The following KCNMA1 variants were observed in gnomAD, a reference collection of about 807,000 sequenced individuals.
The protein encoded by KCNMA1 is Calcium-activated potassium channel subunit alpha-1.
Under a neutral mutation model 140.0 loss-of-function variants are expected in KCNMA1, and 29 were observed. The observed-to-expected ratio is 0.21, with a 90% CI of 0.15 to 0.28. The LOEUF is 0.28. Ranked by LOEUF, KCNMA1 falls within the 10% of genes least tolerant of loss-of-function variation. The pLI, the probability that KCNMA1 is intolerant of heterozygous loss-of-function variation, is 1.00. For missense variants in KCNMA1, 880 were observed against 1,602.2 expected (o/e 0.55, Z 7.70); for synonymous variants, 612 against 611.9 (o/e 1.00, Z 0.00).
At chr10:77,069,902 G>A (rs1021987803) in intron 14 of KCNMA1, among the ~76,000 whole-genome samples, 4 of 152,006 alleles carry the variant, frequency 2.6e-5, no homozygotes, top group Non-Finnish European at 4.4e-5. Context: ...TGCGACCTCC[G>A]CCTCCTGGGT....
intron 2 of KCNMA1, among the ~76,000 whole-genome samples, chr10:77,333,539 A>G (rs888178363): frequency 1.1e-4 from 16 of 152,228 alleles, no homozygotes; most frequent in Non-Finnish European, 1.6e-4. Context: ...TTATAATTCA[A>G]AAATAACATT....
chr10:77,447,902 G>T (rs1002582272), intron 1 of KCNMA1, among the ~76,000 whole-genome samples: 1 of 152,196 alleles, frequency 6.6e-6, no homozygotes, highest in Non-Finnish European at 1.5e-5. Context: ...AATTAGAGAC[G>T]CAGTTAAAAC....
chr10:77,216,324 C>T (rs12779089), intron 3 of KCNMA1, among the ~76,000 whole-genome samples: 24,537 of 151,682 alleles, frequency 0.16, 2,435 homozygotes, highest in Non-Finnish European at 0.21. Context: ...TGAGTGAATT[C>T]TATGGTATAT....
At chr10:77,269,914 G>T (rs2064520832) in intron 2 of KCNMA1, among the ~76,000 whole-genome samples, 1 of 152,144 alleles carries the variant, frequency 6.6e-6, no homozygotes. Context: ...TACCTCTGAG[G>T]AGATACAGGT....
Position 77,181,357 on chromosome 10 carries a change from T to A in KCNMA1, c.808+2064A>T, listed in dbSNP as rs141523581. Reference sequence around the variant, plus strand: ...TGTGCATGGGTATGTGTTTGAACTCTTAGCAACAAGATGTTTTAAAAGGAG... The same window carrying A: ...TGTGCATGGGTATGTGTTTGAACTCATAGCAACAAGATGTTTTAAAAGGAG... On this transcript the variant is annotated intron_variant, in intron 5 of 27. Coordinates refer to ENST00000286628, the MANE Select transcript of KCNMA1 (RefSeq NM_001161352.2). 1.3e-3 allele frequency among the ~76,000 whole-genome samples: 203 copies of A among 152,282 alleles called. 1 individual carries two copies. The highest frequency in any genetic ancestry group is 4.4e-3 in the African/African-American group (182 of 41,554).
chr10:77,180,121 G>C (rs915387138), intron 5 of KCNMA1, among the ~76,000 whole-genome samples: 1 of 152,208 alleles, frequency 6.6e-6, no homozygotes, highest in Admixed American at 6.5e-5. Flanking sequence ...AGGAAAGTTT[G>C]TGCAGGAGAA....
intron 2 of KCNMA1, among the ~76,000 whole-genome samples, chr10:77,386,790 C>T (rs1042425743): frequency 1.3e-5 from 2 of 152,184 alleles, no homozygotes; most frequent in African/African-American, 4.8e-5. Context: ...CTTTTAAATT[C>T]AAGTCAGGGC....
chr10:77,075,218 C>A (rs1301604971), intron 13 of KCNMA1, among the ~76,000 whole-genome samples: 2 of 152,222 alleles, frequency 1.3e-5, no homozygotes, highest in African/African-American at 4.8e-5. Context: ...TCAATTCCAA[C>A]AACTAGCCCT....
At chr10:77,229,766 C>T (rs530838185) in intron 3 of KCNMA1, among the ~76,000 whole-genome samples, 2 of 151,960 alleles carry the variant, frequency 1.3e-5, no homozygotes, top group South Asian at 2.1e-4. Context: ...TATATATGTA[C>T]ACACACACAA....
intron 9 of KCNMA1, among the ~76,000 whole-genome samples, chr10:77,103,146 CT>C (rs1360003747): frequency 6.6e-6 from 1 of 152,202 alleles, no homozygotes; most frequent in Non-Finnish European, 1.5e-5. Flanking sequence ...ATGGAATCCT[CT>C]TTAAAATATG....
At chr10:77,129,861 T>C (rs143482805) in intron 5 of KCNMA1, among the ~76,000 whole-genome samples, 13 of 152,252 alleles carry the variant, frequency 8.5e-5, no homozygotes, top group African/African-American at 2.6e-4. Flanking sequence ...GATGACTTTC[T>C]GAAAAATATA....
intron 2 of KCNMA1, among the ~76,000 whole-genome samples, chr10:77,363,007 G>A (rs2094104350): frequency 6.6e-6 from 1 of 152,232 alleles, no homozygotes; most frequent in Non-Finnish European, 1.5e-5. Context: ...AATGCGGACA[G>A]GCACCTGGGA....
chr10:77,310,271 C>G (rs1378039261), intron 2 of KCNMA1, among the ~76,000 whole-genome samples: 3 of 152,160 alleles, frequency 2.0e-5, no homozygotes, highest in Non-Finnish European at 2.9e-5. Context: ...GGAGTGCCCC[C>G]TCAGCTGCCC....
intron 3 of KCNMA1, among the ~76,000 whole-genome samples, chr10:77,188,793 A>G (rs1027672249): frequency 2.0e-5 from 3 of 152,268 alleles, no homozygotes; most frequent in African/African-American, 7.2e-5. Flanking sequence ...TTAAGAACTT[A>G]TCTTTTCAGA....
At chr10:77,353,789 C>T (rs144868722) in intron 2 of KCNMA1, among the ~76,000 whole-genome samples, 64 of 152,194 alleles carry the variant, frequency 4.2e-4, no homozygotes, top group African/African-American at 1.5e-3. Flanking sequence ...AACATAAGAA[C>T]GCAATTACCT....
intron 2 of KCNMA1, among the ~76,000 whole-genome samples, chr10:77,273,308 A>G (rs1411695333): frequency 6.6e-6 from 1 of 152,216 alleles, no homozygotes; most frequent in African/African-American, 2.4e-5. Context: ...AATTTCTACC[A>G]GAAAGCTGAG....
chr10:77,190,014 C>A (rs1222890516), intron 3 of KCNMA1, among the ~76,000 whole-genome samples: 1 of 152,138 alleles, frequency 6.6e-6, no homozygotes, highest in African/African-American at 2.4e-5. Flanking sequence ...AGTCCAAACC[C>A]TTGCCTTCAT....
intron 3 of KCNMA1, among the ~76,000 whole-genome samples, chr10:77,196,657 G>C (rs1398764122): frequency 6.6e-6 from 1 of 152,190 alleles, no homozygotes; most frequent in Non-Finnish European, 1.5e-5. Flanking sequence ...CAGATTTCAT[G>C]AAGAAAACCT....
At chr10:76,913,959 GT>G in intron 24 of KCNMA1, 1 of 916,700 alleles carries the variant, frequency 1.1e-6, no homozygotes, top group Non-Finnish European at 1.7e-6. Flanking sequence ...TAGCCTTTCT[GT>G]TACAGCCGGT....
Sources: allele counts gnomAD v4.1 joint callset (sites outside exome capture counted in the v4.1 genomes callset), GRCh38; gene constraint gnomAD v4.1.1; transcripts MANE v1.5; gene names NCBI Gene and HGNC (gene_info 2026-07-23, HGNC 2026-07-21).